The following GPR158 variants were observed in gnomAD, a reference collection of about 807,000 sequenced individuals.
GPR158 encodes metabotropic glycine receptor.
Under a neutral mutation model 78.2 loss-of-function variants are expected in GPR158, and 30 were observed. That is an observed-to-expected ratio of 0.38 (90% CI 0.29 to 0.52). The LOEUF is 0.52. Ranked by LOEUF, GPR158 falls within the 20% of genes least tolerant of loss-of-function variation. The pLI is 0.83. For missense variants in GPR158, 1,463 were observed against 1,523.5 expected (o/e 0.96, Z 0.66); for synonymous variants, 581 against 591.1 (o/e 0.98, Z 0.25).
chr10:25,576,712 G>A (rs1054167372), intron 7 of GPR158, among the ~76,000 whole-genome samples: 2 of 152,094 alleles, frequency 1.3e-5, no homozygotes, highest in Non-Finnish European at 2.9e-5. Flanking sequence ...TATAGTGGTA[G>A]GATCTAGGTC....
intron 2 of GPR158, among the ~76,000 whole-genome samples, chr10:25,373,628 A>G (rs565242443): frequency 4.6e-5 from 7 of 152,008 alleles, no homozygotes; most frequent in African/African-American, 1.4e-4. Flanking sequence ...TATTTACATT[A>G]TCATTTGGTT....
At chr10:25,275,493 C>T (rs545239600) in intron 2 of GPR158, among the ~76,000 whole-genome samples, 3 of 152,314 alleles carry the variant, frequency 2.0e-5, no homozygotes, top group South Asian at 2.1e-4. Flanking sequence ...ACTTTCCTAT[C>T]GGTAACAACC....
At chr10:25,352,001 T>C (rs1855480097) in intron 2 of GPR158, among the ~76,000 whole-genome samples, 1 of 146,740 alleles carries the variant, frequency 6.8e-6, no homozygotes, top group Admixed American at 6.9e-5. Context: ...ACTGTTTTTC[T>C]TTAATAATGC....
chr10:25,273,910 A>G (rs1854149827), intron 2 of GPR158, among the ~76,000 whole-genome samples: 1 of 152,010 alleles, frequency 6.6e-6, no homozygotes, highest in Non-Finnish European at 1.5e-5. Flanking sequence ...AAACTCCTGG[A>G]CTAGTGATCT....
At chr10:25,364,002 G>C (rs1855680164) in intron 2 of GPR158, among the ~76,000 whole-genome samples, 1 of 151,858 alleles carries the variant, frequency 6.6e-6, no homozygotes, top group South Asian at 2.1e-4. Flanking sequence ...AGAATTACAT[G>C]AATTAATATT....
chr10:25,265,776 G>C (rs1854037693), intron 2 of GPR158, among the ~76,000 whole-genome samples: 1 of 152,118 alleles, frequency 6.6e-6, no homozygotes, highest in Non-Finnish European at 1.5e-5. Context: ...GAAGAACCAG[G>C]CATGTCAGGC....
intron 5 of GPR158, among the ~76,000 whole-genome samples, chr10:25,515,409 T>C (rs1263685437): frequency 6.6e-6 from 1 of 151,368 alleles, no homozygotes; most frequent in Non-Finnish European, 1.5e-5. Context: ...AGGGTACATG[T>C]GCACATTGTG....
chr10:25,227,628 C>T (rs1383368938), intron 2 of GPR158, among the ~76,000 whole-genome samples: 1 of 151,854 alleles, frequency 6.6e-6, no homozygotes, highest in Non-Finnish European at 1.5e-5. Context: ...CATGGGATAC[C>T]TTTTATAACA....
At chr10:25,580,704 T>C (rs1354832000) in intron 7 of GPR158, among the ~76,000 whole-genome samples, 3 of 152,106 alleles carry the variant, frequency 2.0e-5, no homozygotes, top group Non-Finnish European at 4.4e-5. Context: ...GCATTACTTG[T>C]TACTATTTTA....
intron 2 of GPR158, among the ~76,000 whole-genome samples, chr10:25,382,864 C>T (rs892282244): frequency 2.0e-5 from 3 of 151,816 alleles, no homozygotes; most frequent in African/African-American, 7.2e-5. Context: ...TGGAGTCTCA[C>T]ACTGTCGCCC....
At chr10:25,308,209 T>C (rs1194789307) in intron 2 of GPR158, among the ~76,000 whole-genome samples, 1 of 152,166 alleles carries the variant, frequency 6.6e-6, no homozygotes, top group African/African-American at 2.4e-5. Flanking sequence ...CATAGGTAAA[T>C]GTGTGCCATG....
chr10:25,289,505 T>C (rs1035840413), intron 2 of GPR158, among the ~76,000 whole-genome samples: 1 of 152,160 alleles, frequency 6.6e-6, no homozygotes, highest in African/African-American at 2.4e-5. Context: ...CCATCTCGGC[T>C]CACTACAAGC....
intron 2 of GPR158, among the ~76,000 whole-genome samples, chr10:25,367,076 C>A (rs1181361044): frequency 1.3e-5 from 2 of 151,460 alleles, no homozygotes; most frequent in African/African-American, 4.8e-5. Context: ...AATAATACCC[C>A]AAATCATGAA....
chr10:25,271,972 C>A (rs1377824719), intron 2 of GPR158, among the ~76,000 whole-genome samples: 1 of 152,010 alleles, frequency 6.6e-6, no homozygotes, highest in African/African-American at 2.4e-5. Context: ...TCTTTGTGGG[C>A]AAAAATGCCC....
At chr10:25,217,483 C>T (rs950099511) in intron 1 of GPR158, among the ~76,000 whole-genome samples, 1 of 152,084 alleles carries the variant, frequency 6.6e-6, no homozygotes, top group Non-Finnish European at 1.5e-5. Flanking sequence ...AAAGAAGGTC[C>T]CTAAACCATA....
At chr10:25,393,978 A>G (rs961774046) in intron 2 of GPR158, 2 of 152,188 alleles carry the variant, frequency 1.3e-5, no homozygotes. Flanking sequence ...TAAACTTCAT[A>G]CTAGTTTATC....
chr10:25,482,393 G>T (rs1327860724), intron 5 of GPR158, among the ~76,000 whole-genome samples: 1 of 152,022 alleles, frequency 6.6e-6, no homozygotes, highest in African/African-American at 2.4e-5. Flanking sequence ...GTATTGGCCA[G>T]GCTGGTCTTG....
intron 2 of GPR158, among the ~76,000 whole-genome samples, chr10:25,391,415 G>C (rs1834295940): frequency 6.6e-6 from 1 of 152,210 alleles, no homozygotes; most frequent in African/African-American, 2.4e-5. Context: ...AAGCCATAGA[G>C]GCAGAGCTGC....
intron 6 of GPR158, among the ~76,000 whole-genome samples, chr10:25,563,808 C>T (rs1836890231): frequency 6.6e-6 from 1 of 152,038 alleles, no homozygotes; most frequent in Non-Finnish European, 1.5e-5. Context: ...TTTTATGCAT[C>T]TGTATTTTAT....
Sources: gnomAD v4.1 joint callset for allele counts (sites outside exome capture counted in the v4.1 genomes callset) on GRCh38, gnomAD v4.1.1 for gene constraint, MANE v1.5 for transcripts, NCBI Gene and HGNC (gene_info 2026-07-23, HGNC 2026-07-21) for gene names.